Variants in CACNA1D observed in about 807,000 individuals in gnomAD.
CACNA1D encodes the protein voltage-dependent L-type calcium channel subunit alpha-1D.
A neutral mutation model predicts 257.1 loss-of-function variants in CACNA1D; 55 were observed. That is an observed-to-expected ratio of 0.21 (90% confidence interval 0.17 to 0.27). The LOEUF is 0.27. Ranked by LOEUF, CACNA1D falls within the 10% of genes least tolerant of loss-of-function variation. The pLI is 1.00. For synonymous variants in CACNA1D, 980 were observed against 1,014.9 expected, an observed-to-expected ratio of 0.97 and a Z score of 0.65; for missense variants, 1,876 against 2,784.0, an observed-to-expected ratio of 0.67 and a Z score of 7.34.
intron 3 of CACNA1D, among the ~76,000 whole-genome samples, chr3:53,610,559 G>A (rs902153376): frequency 6.6e-6 from 1 of 152,146 alleles, no homozygotes. Flanking sequence ...CACCTACCTT[G>A]GAAAGACCAG....
chr3:53,643,394 C>T (rs547733806), intron 3 of CACNA1D, among the ~76,000 whole-genome samples: 7 of 152,230 alleles, frequency 4.6e-5, no homozygotes, highest in East Asian at 1.9e-4. Flanking sequence ...TGTGTGATAG[C>T]GCTGCGGCTC....
intron 7 of CACNA1D, among the ~76,000 whole-genome samples, chr3:53,670,888 A>T (rs946825693): frequency 1.3e-5 from 2 of 152,170 alleles, no homozygotes; most frequent in African/African-American, 4.8e-5. Flanking sequence ...TCTTTTGTAT[A>T]TGGTAAGATC....
Position 53,810,124 on chromosome 3 carries a change from A to G in CACNA1D, c.6018A>G (p.Ser2006=), listed in dbSNP as rs1477056350. ...CCCCCCTGATCCAAGTGGAGCAGTCAGAGGCCCTGGACCAGGTGAACGGCA... is the reference window on the plus strand; with the variant it reads ...CCCCCCTGATCCAAGTGGAGCAGTCGGAGGCCCTGGACCAGGTGAACGGCA... ...CYTPLIQVEQ[S]EALDQVNGSL... is the part of the protein sequence containing the mutation. The change falls in exon 47 of 48, where the codon TCA becomes TCG. Residue 2006 remains serine (S), a synonymous_variant. Coordinates refer to ENST00000350061, the MANE Select transcript of CACNA1D (RefSeq NM_001128840.3). 5.0e-6 allele frequency: 8 copies of G among 1,613,896 alleles called. No homozygotes were observed. The Admixed American group carries it at 6.7e-5, about 13-fold the overall frequency.
chr3:53,736,332 C>A (rs1357647182), intron 20 of CACNA1D, among the ~76,000 whole-genome samples: 1 of 151,396 alleles, frequency 6.6e-6, no homozygotes, highest in African/African-American at 2.4e-5. Context: ...TACAGTGAGA[C>A]CTTGTCTCAA....
chr3:53,619,266 C>G (rs1335998886), intron 3 of CACNA1D, among the ~76,000 whole-genome samples: 1 of 152,204 alleles, frequency 6.6e-6, no homozygotes, highest in African/African-American at 2.4e-5. Context: ...TTTCTCATGC[C>G]TCCTGTCTCC....
chr3:53,573,025 T>G (rs1194315666), intron 3 of CACNA1D, among the ~76,000 whole-genome samples: 3 of 152,212 alleles, frequency 2.0e-5, no homozygotes, highest in African/African-American at 7.2e-5. Flanking sequence ...ATGATAAATA[T>G]TTGTTGCCAC....
intron 3 of CACNA1D, among the ~76,000 whole-genome samples, chr3:53,611,344 C>T (rs1031282767): frequency 2.0e-5 from 3 of 152,190 alleles, no homozygotes; most frequent in Non-Finnish European, 2.9e-5. Context: ...CATGATTGCA[C>T]CACTGCACTC....
At chr3:53,533,100 C>G (rs141147346) in intron 3 of CACNA1D, among the ~76,000 whole-genome samples, 91 of 152,300 alleles carry the variant, frequency 6.0e-4, no homozygotes, top group African/African-American at 1.8e-3. Context: ...ATATCTCTCT[C>G]CAAGTTATTA....
chr3:53,794,086 T>C (rs544551510), intron 40 of CACNA1D, among the ~76,000 whole-genome samples: 6 of 152,352 alleles, frequency 3.9e-5, no homozygotes, highest in African/African-American at 1.4e-4. Context: ...CTACATTCTA[T>C]ACTCTTTCTG....
chr3:53,743,558 A>G (rs2095137630), intron 22 of CACNA1D, among the ~76,000 whole-genome samples: 1 of 152,232 alleles, frequency 6.6e-6, no homozygotes, highest in Non-Finnish European at 1.5e-5. Flanking sequence ...TTCAGGATAT[A>G]GAACCTGCTA....
chr3:53,784,370 G>A (rs2095441876), intron 39 of CACNA1D, among the ~76,000 whole-genome samples: 1 of 152,188 alleles, frequency 6.6e-6, no homozygotes, highest in African/African-American at 2.4e-5. Flanking sequence ...TCAGTCCGGA[G>A]CCCAGATGGC....
intron 20 of CACNA1D, among the ~76,000 whole-genome samples, chr3:53,736,277 G>T (rs1248184847): frequency 6.6e-6 from 1 of 151,708 alleles, no homozygotes; most frequent in Non-Finnish European, 1.5e-5. Flanking sequence ...GGAGGTCAAA[G>T]CTGCAGCAAG....
intron 14 of CACNA1D, among the ~76,000 whole-genome samples, chr3:53,724,210 G>C (rs1440794531): frequency 6.6e-6 from 1 of 152,144 alleles, no homozygotes. Context: ...TTTTTTTAAA[G>C]ACTTCTAGCT....
In CACNA1D at chr3:53,726,417, CA is replaced by C. The variant is rs1454960750; in HGVS notation, c.2101-461del. Reference sequence around the variant, plus strand: ...CTTTGGGAGGCTGAAGTGGGCGGAACACTTGAGGTCAGGAGTTCGAGACCAG... The same window carrying C: ...CTTTGGGAGGCTGAAGTGGGCGGAACCTTGAGGTCAGGAGTTCGAGACCAG... On this transcript the variant is annotated intron_variant, in intron 14 of 47. Transcript: ENST00000350061. 2.7e-5 allele frequency among the ~76,000 whole-genome samples: 4 copies of C among 149,794 alleles called. No individual in the cohort carries two copies. The East Asian group carries it at 6.0e-4, about 22-fold the overall frequency.
intron 3 of CACNA1D, among the ~76,000 whole-genome samples, chr3:53,585,396 G>A (rs1296679095): frequency 4.6e-5 from 7 of 152,138 alleles, no homozygotes; most frequent in Non-Finnish European, 1.0e-4. Flanking sequence ...TTTACAGTTA[G>A]AAGAATTGTC....
chr3:53,690,421 T>C (rs1031367720), intron 8 of CACNA1D, among the ~76,000 whole-genome samples: 1 of 152,246 alleles, frequency 6.6e-6, no homozygotes, highest in South Asian at 2.1e-4. Flanking sequence ...TTTGGACAAG[T>C]CTCATTTGAG....
At chr3:53,620,521 C>T (rs1050478630) in intron 3 of CACNA1D, among the ~76,000 whole-genome samples, 9 of 152,264 alleles carry the variant, frequency 5.9e-5, no homozygotes, top group Non-Finnish European at 1.2e-4. Context: ...CAAACTCTTG[C>T]GCTCAAAGGA....
At chr3:53,715,087 G>GGAAAATA (rs1251709582) in intron 9 of CACNA1D, among the ~76,000 whole-genome samples, 1 of 152,198 alleles carries the variant, frequency 6.6e-6, no homozygotes, top group Non-Finnish European at 1.5e-5. Context: ...AGGATCCTGT[G>GGAAAATA]ATAGGGAGTA....
At chr3:53,605,255 C>G (rs1475408778) in intron 3 of CACNA1D, among the ~76,000 whole-genome samples, 5 of 152,142 alleles carry the variant, frequency 3.3e-5, no homozygotes, top group Admixed American at 3.3e-4. Context: ...TGGAGGGCTC[C>G]TTTGTGTGTC....
Sources: gnomAD v4.1 joint callset for allele counts (sites outside exome capture counted in the v4.1 genomes callset) on GRCh38, gnomAD v4.1.1 for gene constraint, MANE v1.5 for transcripts, NCBI Gene and HGNC (gene_info 2026-07-23, HGNC 2026-07-21) for gene names.